The following SECISBP2 variants were observed in gnomAD, a reference collection of about 807,000 sequenced individuals.
SECISBP2 encodes the protein SECIS binding protein 2, also known as selenocysteine insertion sequence-binding protein 2.
Under a neutral mutation model 98.2 loss-of-function variants are expected in SECISBP2, and 96 were observed. The observed-to-expected ratio is 0.98, with a 90% confidence interval of 0.83 to 1.16. The LOEUF (loss-of-function observed/expected upper bound fraction) is 1.16, where lower values mean the gene tolerates loss of function less well. Ranked by LOEUF, SECISBP2 falls within the 50% of genes most tolerant of loss-of-function variation. SECISBP2 has a pLI of 0.00. For missense variants in SECISBP2, 1,046 were observed against 1,022.9 expected (o/e 1.02, Z -0.31); for synonymous variants, 407 against 370.2 (o/e 1.10, Z -1.14).
At chr9:89,323,724 C>T (rs1180974864) in intron 2 of SECISBP2, 1 of 152,280 alleles carries the variant, frequency 6.6e-6, no homozygotes, top group African/African-American at 2.4e-5. Flanking sequence ...ATTTCCCAGA[C>T]ATGCCATTTG....
At chr9:89,350,103 G>T (rs1188785987) in intron 13 of SECISBP2, among the ~76,000 whole-genome samples, 174 bp downstream of exon 13, 2 of 152,246 alleles carry the variant, frequency 1.3e-5, no homozygotes, top group Non-Finnish European at 2.9e-5. Context: ...CCTAATCGTT[G>T]TGTCTGATTC....
rs41306445 is a variant in SECISBP2, at chr9:89,319,640, A to C, written c.37-12A>C. ...TGAATGTTTGTGGCCAAAACCTCAT[A>C]TTTTTCCTCAGGGCATCAAGTTATC... On this transcript the variant is annotated splice_polypyrimidine_tract_variant and intron_variant, in intron 1 of 16. Transcript: ENST00000375807. The C allele has an allele frequency of 6.2e-7, 1 of 1,613,634 alleles. No homozygotes were observed. The highest frequency in any genetic ancestry group is 8.5e-7 in the Non-Finnish European group (1 of 1,179,940).
At chr9:89,362,240 C>A, downstream of SECISBP2, 3 of 1,242,472 alleles carry the variant, frequency 2.4e-6, no homozygotes, top group Non-Finnish European at 3.5e-6. Context: ...CACTGTCCCG[C>A]CTCTGCCCAT....
At chr9:89,348,879 A>T (rs1418503754) in intron 12 of SECISBP2, among the ~76,000 whole-genome samples, 1 of 152,280 alleles carries the variant, frequency 6.6e-6, no homozygotes, top group Non-Finnish European at 1.5e-5. Flanking sequence ...ATTACTGTGT[A>T]AAATTCGGTT....
intron 6 of SECISBP2, chr9:89,334,075 C>A (rs931716401): frequency 1.2e-5 from 13 of 1,119,410 alleles, no homozygotes; most frequent in Non-Finnish European, 1.3e-5. Flanking sequence ...TGCCTCTGTT[C>A]TAAAAGAAAT....
In SECISBP2 at chr9:89,328,808, G is replaced by A; in HGVS notation, c.723G>A (p.Lys241=). 1 of 1,614,210 alleles carries A rather than the reference G, an allele frequency of 6.2e-7. No homozygotes were observed. The highest frequency in any genetic ancestry group is 8.5e-7 in the Non-Finnish European group (1 of 1,180,030). The change falls in exon 5 of 17, where the codon AAG becomes AAA. Residue 241 remains lysine, a synonymous_variant. Transcript: ENST00000375807. ...TGTCAGAGATACAGAAGCAACCCAA[G>A]TGGGGACCTGTCCACTCTGTCTCTA... ...NNMSEIQKQP[K]WGPVHSVSTD... is the part of the protein sequence containing the mutation.
intron 10 of SECISBP2, among the ~76,000 whole-genome samples, chr9:89,343,005 A>G (rs772563384): frequency 6.6e-6 from 1 of 152,206 alleles, no homozygotes; most frequent in Non-Finnish European, 1.5e-5. Flanking sequence ...TGAGCTTTCC[A>G]CTTGATATGA....
At chr9:89,366,245 G>T in the SECISBP2 span, among the ~76,000 whole-genome samples, 2 of 152,210 alleles carry the variant, frequency 1.3e-5, no homozygotes, top group African/African-American at 2.4e-5. Context: ...GCCCAAAAAT[G>T]GCTGGGATGC....
chr9:89,319,699 C>A lies in SECISBP2; in HGVS notation c.84C>A (p.Ala28=). ...TCAAACCATTTGTCCCCAGATTTGC[C>A]GGGCTCAATGTGGCATGGTTAGAGT... is the stretch of plus-strand genomic sequence containing the variant. The part of the protein sequence containing the change: ...ADVKPFVPRF[A]GLNVAWLESS... The change falls in exon 2 of 17, where the codon GCC becomes GCA. Residue 28 remains alanine (A), a synonymous_variant. Transcript: ENST00000375807. The A allele has an allele frequency of 6.2e-7, 1 of 1,614,128 alleles. No homozygotes were observed. Among genetic ancestry groups the A allele is most frequent in the Non-Finnish European group, 8.5e-7 (1 of 1,180,022 alleles).
At chr9:89,363,433 C>T (rs376003203), downstream of SECISBP2, 60 of 1,612,850 alleles carry the variant, frequency 3.7e-5, no homozygotes, top group East Asian at 1.3e-4. Context: ...CACTTACCCA[C>T]GCCTTCCTCC....
At position 89,353,417 on chromosome 9, in the gene SECISBP2, C is replaced by G. The variant is rs532758422; in HGVS notation, c.2113+2565C>G. 8.5e-5 allele frequency among the ~76,000 whole-genome samples: 13 copies of G among 152,308 alleles called. No individual in the cohort carries two copies. In the South Asian group the frequency reaches 2.7e-3, roughly 32 times the overall value. Reference sequence around the variant, plus strand: ...CCCTGTGAGCTCATCCTCTCACCACCATTAGATGTGTGGTGCGTCATGTCC... The same window carrying G: ...CCCTGTGAGCTCATCCTCTCACCACGATTAGATGTGTGGTGCGTCATGTCC... On this transcript the variant is annotated intron_variant, in intron 14 of 16. Transcript: ENST00000375807.
chr9:89,363,283 C>T, downstream of SECISBP2: 1 of 1,191,056 alleles, frequency 8.4e-7, no homozygotes. Flanking sequence ...CCCAGTGTTG[C>T]AGATTTCATA....
At chr9:89,340,809 C>T (rs1018663931) in intron 9 of SECISBP2, among the ~76,000 whole-genome samples, 11 of 152,222 alleles carry the variant, frequency 7.2e-5, no homozygotes, top group Non-Finnish European at 1.5e-4. Flanking sequence ...TATATAGTCT[C>T]AAAACCCAAA....
intron 10 of SECISBP2, among the ~76,000 whole-genome samples, chr9:89,345,904 G>A (rs1481982300): frequency 1.3e-5 from 2 of 152,220 alleles, no homozygotes; most frequent in African/African-American, 4.8e-5. Context: ...GCTCACTAAG[G>A]CCAGAGCAGC....
At chr9:89,358,636 C>G in intron 16 of SECISBP2, 85 bp from the exon 17 acceptor site, 8 of 873,462 alleles carry the variant, frequency 9.2e-6, no homozygotes, top group Non-Finnish European at 1.5e-5. Context: ...GCCACAGGCT[C>G]CCTCTCTCAT....
In SECISBP2 at chr9:89,326,024, A is replaced by G. The variant is rs977272323; in HGVS notation, c.560A>G (p.Asn187Ser). The change falls in exon 4 of 17, where the codon AAT (asparagine) becomes AGT (serine). Residue 187 changes from asparagine (N) to serine (S), a missense_variant. Transcript: ENST00000375807. Reference protein sequence around the residue: ...GSHHLSIYAENSLKSDGYHKR... With the variant: ...GSHHLSIYAESSLKSDGYHKR... ...CATCATTTGTCCATTTACGCTGAGAATAGTTTGAAATCAGGTAAAAATAAC... is the reference window on the plus strand; with the variant it reads ...CATCATTTGTCCATTTACGCTGAGAGTAGTTTGAAATCAGGTAAAAATAAC... 2.5e-6 allele frequency: 4 copies of G among 1,613,222 alleles called. No homozygotes were observed. The highest frequency in any genetic ancestry group is 3.4e-6 in the Non-Finnish European group (4 of 1,180,020).
At chr9:89,321,830 C>CT (rs1328933109) in intron 2 of SECISBP2, among the ~76,000 whole-genome samples, 9 of 152,152 alleles carry the variant, frequency 5.9e-5, no homozygotes, top group African/African-American at 1.9e-4. Context: ...AATAATGAGA[C>CT]TTCACATGGT....
intron 7 of SECISBP2, among the ~76,000 whole-genome samples, chr9:89,337,854 A>G (rs530000410): frequency 5.3e-5 from 8 of 152,356 alleles, no homozygotes; most frequent in African/African-American, 1.9e-4. Context: ...GGGCAGTCCA[A>G]GGGTAGAAAG....
intron 1 of SECISBP2, among the ~76,000 whole-genome samples, chr9:89,319,282 GTAGT>G (rs1256565646): frequency 6.0e-4 from 92 of 152,338 alleles, no homozygotes; most frequent in South Asian, 2.1e-4. Flanking sequence ...TTTGGGTGCT[GTAGT>G]TAAACAGTCC....
Sources: allele counts gnomAD v4.1 joint callset (sites outside exome capture counted in the v4.1 genomes callset), GRCh38; gene constraint gnomAD v4.1.1; transcripts MANE v1.5; gene names NCBI Gene and HGNC (gene_info 2026-07-23, HGNC 2026-07-21).